Variants in LINGO2 observed in about 807,000 individuals in gnomAD.
LINGO2 encodes the protein leucine-rich repeat and immunoglobulin-like domain-containing nogo receptor-interacting protein 2.
In LINGO2, 14 loss-of-function variants were observed where a neutral mutation model predicts 30.6. The ratio of observed to expected loss-of-function variants is 0.46; its 90% CI spans 0.30 to 0.72. The LOEUF (loss-of-function observed/expected upper bound fraction) is 0.72. Among genes scored for constraint, LINGO2 ranks in the 30% least tolerant of loss-of-function variants. LINGO2 has a pLI of 0.07. For missense variants in LINGO2, 729 were observed against 751.7 expected (o/e 0.97, Z 0.35); for synonymous variants, 317 against 288.5 (o/e 1.10, Z -1.00).
At chr9:28,625,182 G>A (rs1587979112) in intron 1 of LINGO2, among the ~76,000 whole-genome samples, 1 of 152,050 alleles carries the variant, frequency 6.6e-6, no homozygotes, top group Non-Finnish European at 1.5e-5. Flanking sequence ...TTCCCTCTTG[G>A]TTAGGGCTGG....
intron 2 of LINGO2, among the ~76,000 whole-genome samples, chr9:28,467,040 G>GA (rs1414145156): frequency 6.6e-6 from 1 of 150,420 alleles, no homozygotes; most frequent in African/African-American, 2.4e-5. Context: ...TTTTTTGGGG[G>GA]GGGGGGACGG....
At chr9:28,743,799 T>C in the LINGO2 span, among the ~76,000 whole-genome samples, 17 of 151,858 alleles carry the variant, frequency 1.1e-4, no homozygotes, top group African/African-American at 3.6e-4. Context: ...TATGGATCTC[T>C]TTTTGTTGAT....
At chr9:28,497,574 AG>A (rs1198955271) in intron 1 of LINGO2, among the ~76,000 whole-genome samples, 1 of 152,050 alleles carries the variant, frequency 6.6e-6, no homozygotes, top group Non-Finnish European at 1.5e-5. Flanking sequence ...TCTTTTTTCA[AG>A]GTTTTTAGCT....
At chr9:28,630,881 T>C (rs57871232) in intron 1 of LINGO2, among the ~76,000 whole-genome samples, 2,856 of 143,098 alleles carry the variant, frequency 0.02, 62 homozygotes, top group Admixed American at 0.044. Flanking sequence ...AAGATCTTTG[T>C]GCACATAAAG....
At chr9:27,980,567 A>G (rs1230759097) in intron 5 of LINGO2, among the ~76,000 whole-genome samples, 2 of 151,976 alleles carry the variant, frequency 1.3e-5, no homozygotes, top group African/African-American at 4.8e-5. Flanking sequence ...TCTTTAAACC[A>G]TCTTTATTAA....
chr9:28,205,310 T>C (rs1434696958), intron 4 of LINGO2, among the ~76,000 whole-genome samples: 3 of 152,200 alleles, frequency 2.0e-5, no homozygotes, highest in Admixed American at 1.3e-4. Flanking sequence ...TTGCTGTTCC[T>C]TTAACCTGGA....
At chr9:28,588,247 C>G (rs554750628) in intron 1 of LINGO2, among the ~76,000 whole-genome samples, 1 of 151,800 alleles carries the variant, frequency 6.6e-6, no homozygotes, top group African/African-American at 2.4e-5. Flanking sequence ...TTAATATGGT[C>G]CAAAGGAAAG....
intron 2 of LINGO2, among the ~76,000 whole-genome samples, chr9:28,380,603 G>C (rs1050457262): frequency 4.6e-5 from 7 of 151,954 alleles, no homozygotes; most frequent in African/African-American, 1.7e-4. Context: ...TAGATGTCTG[G>C]AAAGATGAGA....
At chr9:28,008,909 A>C (rs1822407370) in intron 5 of LINGO2, among the ~76,000 whole-genome samples, 1 of 152,144 alleles carries the variant, frequency 6.6e-6, no homozygotes. Context: ...AGAAATAGAA[A>C]AGCTGATTTA....
chr9:28,560,035 GTCT>G (rs1440186797), intron 1 of LINGO2, among the ~76,000 whole-genome samples: 5 of 150,084 alleles, frequency 3.3e-5, no homozygotes, highest in African/African-American at 7.4e-5. Context: ...GCTGCCTTTG[GTCT>G]TCTTCTCTGT....
At chr9:28,801,161 C>G in the LINGO2 span, among the ~76,000 whole-genome samples, 1 of 152,022 alleles carries the variant, frequency 6.6e-6, no homozygotes, top group Admixed American at 6.6e-5. Flanking sequence ...AAGCTTGAGT[C>G]TTTGGTTCCT....
chr9:28,864,298 C>T, the LINGO2 span, among the ~76,000 whole-genome samples: 1 of 151,938 alleles, frequency 6.6e-6, no homozygotes, highest in African/African-American at 2.4e-5. Flanking sequence ...TGATATTTGT[C>T]CAAGTAAGTA....
the LINGO2 span, among the ~76,000 whole-genome samples, chr9:28,767,646 C>A: frequency 2.0e-5 from 3 of 151,728 alleles, no homozygotes; most frequent in Non-Finnish European, 2.9e-5. Flanking sequence ...ATTAGCCGGG[C>A]GTGGTGGTGG....
At chr9:28,586,556 A>C (rs1055955630) in intron 1 of LINGO2, among the ~76,000 whole-genome samples, 6 of 152,038 alleles carry the variant, frequency 3.9e-5, no homozygotes, top group Non-Finnish European at 7.4e-5. Flanking sequence ...TGTTATGCTA[A>C]ATAATATTGT....
the LINGO2 span, among the ~76,000 whole-genome samples, chr9:29,150,782 C>T: frequency 6.6e-6 from 1 of 152,100 alleles, no homozygotes; most frequent in Non-Finnish European, 1.5e-5. Flanking sequence ...GATTCATTGA[C>T]ATTCCTGAGA....
chr9:28,040,167 TTGC>T (rs1250339596), intron 4 of LINGO2, among the ~76,000 whole-genome samples: 5 of 152,226 alleles, frequency 3.3e-5, no homozygotes, highest in Non-Finnish European at 5.9e-5. Flanking sequence ...TTTATTTTTT[TTGC>T]TGCTATTAGC....
chr9:29,070,828 T>C, the LINGO2 span, among the ~76,000 whole-genome samples: 1 of 151,470 alleles, frequency 6.6e-6, no homozygotes, highest in African/African-American at 2.4e-5. Context: ...CCAATTTTGT[T>C]TCACATGAAT....
At chr9:28,900,192 C>A in the LINGO2 span, among the ~76,000 whole-genome samples, 2 of 152,050 alleles carry the variant, frequency 1.3e-5, no homozygotes, top group African/African-American at 4.8e-5. Context: ...CCATCCCCAG[C>A]AGCTGGCTGG....
the LINGO2 span, among the ~76,000 whole-genome samples, chr9:28,860,642 T>G: frequency 6.7e-6 from 1 of 149,606 alleles, no homozygotes; most frequent in African/African-American, 2.5e-5. Flanking sequence ...AAGATGCATA[T>G]ATATAATCTG....
Sources: allele counts gnomAD v4.1 joint callset (sites outside exome capture counted in the v4.1 genomes callset), GRCh38; gene constraint gnomAD v4.1.1; transcripts MANE v1.5; gene names NCBI Gene and HGNC (gene_info 2026-07-23, HGNC 2026-07-21).